The following UBR3 variants were observed in gnomAD, a reference collection of about 807,000 sequenced individuals.
UBR3 encodes E3 ubiquitin-protein ligase UBR3.
UBR3 carries 85 observed loss-of-function variants against 243.2 expected under a neutral mutation model. That is an observed-to-expected ratio of 0.35 (90% confidence interval 0.29 to 0.42). The LOEUF is 0.42. Among genes scored for constraint, UBR3 ranks in the 10% least tolerant of loss-of-function variants. UBR3 has a pLI of 1.00. For missense variants in UBR3, 1,686 were observed against 2,300.8 expected (o/e 0.73, Z 5.47); for synonymous variants, 748 against 799.8 (o/e 0.94, Z 1.09).
intron 1 of UBR3, among the ~76,000 whole-genome samples, chr2:169,858,711 C>T (rs1307659953): frequency 1.3e-5 from 2 of 151,972 alleles, no homozygotes; most frequent in African/African-American, 2.4e-5. Flanking sequence ...GCGATTCTCC[C>T]GCCTTAGCCT....
At chr2:170,026,670 A>G (rs1483779742) in intron 30 of UBR3, among the ~76,000 whole-genome samples, 1 of 152,146 alleles carries the variant, frequency 6.6e-6, no homozygotes, top group Non-Finnish European at 1.5e-5. Context: ...AAATCTTTTT[A>G]TATATGTGGA....
chr2:169,890,534 GAGAGAGATAT>G (rs142235494), intron 5 of UBR3, among the ~76,000 whole-genome samples: 3 of 17,468 alleles, frequency 1.7e-4, no homozygotes, highest in Non-Finnish European at 2.5e-4. Context: ...AGGAGAGAGA[GAGAGAGATAT>G]ATATATATAT....
chr2:169,963,040 C>T (rs990961158), intron 24 of UBR3, among the ~76,000 whole-genome samples: 2 of 152,130 alleles, frequency 1.3e-5, no homozygotes, highest in African/African-American at 4.8e-5. Context: ...CTAACATTCA[C>T]GTTAGAAGCC....
intron 1 of UBR3, among the ~76,000 whole-genome samples, chr2:169,842,816 G>C (rs180697620): frequency 6.6e-6 from 1 of 152,228 alleles, no homozygotes; most frequent in Admixed American, 6.5e-5. Context: ...CTTCATTCTT[G>C]AAGTCAGTGA....
At chr2:169,883,839 TTTTA>T (rs1418875529) in intron 5 of UBR3, among the ~76,000 whole-genome samples, 2 of 152,180 alleles carry the variant, frequency 1.3e-5, no homozygotes, top group African/African-American at 4.8e-5. Flanking sequence ...TATAAGGTTA[TTTTA>T]TTTATTTTGA....
In UBR3 at chr2:170,073,509, GCCT is replaced by G; in HGVS notation, c.5105_5107del (p.Ser1702del). 1.2e-6 allele frequency: 2 copies of G among 1,613,798 alleles called. No individual in the cohort carries two copies. The highest frequency in any genetic ancestry group is 8.5e-7 in the Non-Finnish European group (1 of 1,179,748). On this transcript the variant is annotated inframe_deletion, in exon 36 of 39. Transcript: ENST00000272793. ...CCAAACAGAACATCCATTCATCAGT[GCCT>G]CCTGTCTGGATTGGCCAGTTCCAGC... is the stretch of plus-strand genomic sequence containing the variant.
At chr2:170,041,881 A>T (rs543445531) in intron 32 of UBR3, among the ~76,000 whole-genome samples, 2 of 152,372 alleles carry the variant, frequency 1.3e-5, no homozygotes, top group East Asian at 1.9e-4. Context: ...TTCTGTAAAA[A>T]GTAAAACAAT....
intron 26 of UBR3, among the ~76,000 whole-genome samples, chr2:170,000,824 C>T (rs542786331): frequency 6.6e-6 from 1 of 151,406 alleles, no homozygotes; most frequent in South Asian, 2.1e-4. Context: ...AAGGGGTAAG[C>T]AAAGAAAAAA....
chr2:169,892,103 G>A (rs112444072), intron 6 of UBR3, among the ~76,000 whole-genome samples: 4,488 of 152,300 alleles, frequency 0.029, 109 homozygotes, highest in Non-Finnish European at 0.038. Flanking sequence ...GGCACTTTGA[G>A]TTGCAGGTTC....
chr2:169,850,669 C>G (rs2082626662), intron 1 of UBR3, among the ~76,000 whole-genome samples: 1 of 152,016 alleles, frequency 6.6e-6, no homozygotes, highest in South Asian at 2.1e-4. Context: ...ACGGTGAAAC[C>G]CCGTTTCTAC....
intron 31 of UBR3, among the ~76,000 whole-genome samples, chr2:170,036,468 A>G (rs1414744736): frequency 1.3e-5 from 2 of 152,068 alleles, no homozygotes; most frequent in African/African-American, 4.8e-5. Flanking sequence ...TTATCAGCCA[A>G]TAACTGCCAG....
intron 36 of UBR3, chr2:170,077,328 A>G: frequency 1.2e-6 from 1 of 822,908 alleles, no homozygotes; most frequent in Non-Finnish European, 2.2e-6. Context: ...ACAAGGCCCA[A>G]CTCACATTCA....
chr2:169,856,324 GA>G (rs1390189351), intron 1 of UBR3, among the ~76,000 whole-genome samples: 1 of 151,526 alleles, frequency 6.6e-6, no homozygotes, highest in East Asian at 1.9e-4. Context: ...TGATGGCCGG[GA>G]AGAGGCACTC....
At chr2:169,896,373 A>T (rs1559070458) in intron 7 of UBR3, 134 bp from the exon 8 acceptor site, 2 of 570,790 alleles carry the variant, frequency 3.5e-6, no homozygotes, top group African/African-American at 3.9e-5. Context: ...CACCATCGAG[A>T]TTTTTTTTAA....
intron 1 of UBR3, among the ~76,000 whole-genome samples, chr2:169,859,186 T>C (rs1449862440): frequency 6.7e-6 from 1 of 148,976 alleles, no homozygotes; most frequent in African/African-American, 2.5e-5. Context: ...ATTCTCCTGC[T>C]TCAGCCTCCC....
intron 20 of UBR3, among the ~76,000 whole-genome samples, chr2:169,945,744 A>G (rs1164507305): frequency 6.6e-6 from 1 of 152,172 alleles, no homozygotes; most frequent in African/African-American, 2.4e-5. Context: ...TAAGATGTAT[A>G]AGGCTTGTAT....
At chr2:169,875,200 T>C (rs2083562165) in intron 2 of UBR3, among the ~76,000 whole-genome samples, 1 of 152,210 alleles carries the variant, frequency 6.6e-6, no homozygotes, top group Non-Finnish European at 1.5e-5. Flanking sequence ...TCTCAATGTA[T>C]TTGAATTATA....
At chr2:170,075,018 T>G (rs2091774913) in intron 36 of UBR3, among the ~76,000 whole-genome samples, 1 of 152,144 alleles carries the variant, frequency 6.6e-6, no homozygotes, top group Admixed American at 6.6e-5. Context: ...ATTTTAATTT[T>G]GAACATCAAA....
rs1574437492 is a variant in UBR3 at position 170,040,988 on chromosome 2, A to G, written c.4660+3A>G. 1 of 1,606,452 alleles carries G rather than the reference A, an allele frequency of 6.2e-7. No individual in the cohort carries two copies. The highest frequency in any genetic ancestry group is 8.5e-7 in the Non-Finnish European group (1 of 1,173,744). On this transcript the variant is annotated splice_donor_region_variant and intron_variant, in intron 32 of 38. Coordinates refer to ENST00000272793, the MANE Select transcript of UBR3 (RefSeq NM_172070.4). ...GATGCCACAACCCTTACGCAAAGGT[A>G]TGTCTTTATAATTCAGATTCTTTGA...
Sources: allele counts gnomAD v4.1 joint callset (sites outside exome capture counted in the v4.1 genomes callset), GRCh38; gene constraint gnomAD v4.1.1; transcripts MANE v1.5; gene names NCBI Gene and HGNC (gene_info 2026-07-23, HGNC 2026-07-21).